The following CMTM8 variants were observed in gnomAD, a reference collection of about 807,000 sequenced individuals.
The protein encoded by CMTM8 is CKLF like MARVEL transmembrane domain containing 8.
In CMTM8, 12 loss-of-function variants were observed where a neutral mutation model predicts 18.6. The ratio of observed to expected loss-of-function variants is 0.65; its 90% CI spans 0.41 to 1.05. CMTM8 has a LOEUF of 1.05. Among genes scored for constraint, CMTM8 ranks in the 50% least tolerant of loss-of-function variants. The pLI is 0.00. For missense variants in CMTM8, 217 were observed against 227.2 expected (o/e 0.95, Z 0.29); for synonymous variants, 87 against 90.6 (o/e 0.96, Z 0.23).
chr3:32,317,101 A>G (rs538878868), intron 1 of CMTM8, among the ~76,000 whole-genome samples: 1 of 152,118 alleles, frequency 6.6e-6, no homozygotes, highest in Non-Finnish European at 1.5e-5. Context: ...TCTGCTTGTC[A>G]CTTGCAAGCT....
chr3:32,271,323 C>T (rs530647239), intron 1 of CMTM8, among the ~76,000 whole-genome samples: 10 of 152,320 alleles, frequency 6.6e-5, no homozygotes, highest in South Asian at 2.1e-4. Context: ...TGGGATTTCT[C>T]CATGTTGGTC....
intron 1 of CMTM8, among the ~76,000 whole-genome samples, chr3:32,355,534 A>C (rs1696800536): frequency 6.6e-6 from 1 of 152,138 alleles, no homozygotes; most frequent in Non-Finnish European, 1.5e-5. Flanking sequence ...ATATTCTTCC[A>C]CTTGGATTAT....
chr3:32,366,450 C>A (rs989746214), intron 2 of CMTM8, among the ~76,000 whole-genome samples: 3 of 152,218 alleles, frequency 2.0e-5, no homozygotes, highest in Non-Finnish European at 4.4e-5. Flanking sequence ...TCTGGCCAGG[C>A]TGAGCTTTCC....
intron 1 of CMTM8, among the ~76,000 whole-genome samples, chr3:32,334,605 C>CA (rs986810947): frequency 1.3e-3 from 180 of 139,122 alleles, no homozygotes; most frequent in South Asian, 1.4e-3. Context: ...GACTCCATCT[C>CA]AAAAAAAAAA....
intron 1 of CMTM8, among the ~76,000 whole-genome samples, chr3:32,267,006 G>A (rs575154209): frequency 2.8e-4 from 42 of 152,226 alleles, no homozygotes; most frequent in South Asian, 1.2e-3. Context: ...AATCAATATC[G>A]TGAAAATGGC....
chr3:32,314,540 C>T (rs1162484400), intron 1 of CMTM8, among the ~76,000 whole-genome samples: 3 of 151,582 alleles, frequency 2.0e-5, no homozygotes, highest in Non-Finnish European at 4.4e-5. Flanking sequence ...AGTGCAGTGG[C>T]ACCATCCCAG....
chr3:32,254,674 C>T (rs1396870992), intron 1 of CMTM8, among the ~76,000 whole-genome samples: 1 of 151,820 alleles, frequency 6.6e-6, no homozygotes, highest in East Asian at 1.9e-4. Flanking sequence ...TCCTCCTTAC[C>T]TATTCCTGGC....
intron 1 of CMTM8, among the ~76,000 whole-genome samples, chr3:32,246,945 A>G (rs1166667697): frequency 6.6e-6 from 1 of 152,094 alleles, no homozygotes; most frequent in Non-Finnish European, 1.5e-5. Context: ...TACTAAAAAT[A>G]CAAAAATCAG....
At chr3:32,297,601 C>T (rs762146372) in intron 1 of CMTM8, among the ~76,000 whole-genome samples, 11 of 152,052 alleles carry the variant, frequency 7.2e-5, no homozygotes, top group Non-Finnish European at 1.2e-4. Flanking sequence ...GCAGCCCCGT[C>T]TGGGGTGGCG....
chr3:32,339,466 A>G (rs1559383920), intron 1 of CMTM8, among the ~76,000 whole-genome samples: 1 of 152,130 alleles, frequency 6.6e-6, no homozygotes. Flanking sequence ...CAGAAAGACG[A>G]CCACATGGTT....
chr3:32,285,774 T>C (rs1702671097), intron 1 of CMTM8, among the ~76,000 whole-genome samples: 1 of 152,150 alleles, frequency 6.6e-6, no homozygotes, highest in Non-Finnish European at 1.5e-5. Flanking sequence ...AGGTGACTTT[T>C]TTCTCCTGGC....
chr3:32,260,220 T>G (rs993227039), intron 1 of CMTM8: 32 of 1,392,800 alleles, frequency 2.3e-5, no homozygotes, highest in Admixed American at 3.4e-5. Context: ...ACCAAAGTTC[T>G]GAGACATTAA....
At chr3:32,348,084 G>A (rs1053359925) in intron 1 of CMTM8, among the ~76,000 whole-genome samples, 1 of 152,054 alleles carries the variant, frequency 6.6e-6, no homozygotes, top group East Asian at 1.9e-4. Flanking sequence ...TCCTAAGAAA[G>A]GGTGCATGGA....
chr3:32,280,148 G>A (rs975598969), intron 1 of CMTM8, among the ~76,000 whole-genome samples: 6 of 152,094 alleles, frequency 3.9e-5, no homozygotes, highest in Non-Finnish European at 8.8e-5. Flanking sequence ...CAGGTCACAT[G>A]GCCATTCTCA....
At chr3:32,342,122 C>A (rs1696509770) in intron 1 of CMTM8, among the ~76,000 whole-genome samples, 1 of 151,934 alleles carries the variant, frequency 6.6e-6, no homozygotes, top group Non-Finnish European at 1.5e-5. Flanking sequence ...GTGGCATGCG[C>A]TTGTAATCCC....
intron 1 of CMTM8, among the ~76,000 whole-genome samples, chr3:32,338,926 A>G (rs1056926877): frequency 3.3e-5 from 5 of 152,204 alleles, no homozygotes; most frequent in African/African-American, 1.2e-4. Flanking sequence ...CCAAGGATTC[A>G]GCTTGGAGAA....
At chr3:32,318,055 CAAAAAAAAAAAAAAA>C in intron 1 of CMTM8, among the ~76,000 whole-genome samples, 1 of 85,816 alleles carries the variant, frequency 1.2e-5, no homozygotes, top group East Asian at 3.7e-4. Context: ...AACTCTGTCT[CAAAAAAAAAAAAAAA>C]AAAAAAAAGA....
At chr3:32,273,977 T>C (rs779124314) in intron 1 of CMTM8, among the ~76,000 whole-genome samples, 5 of 152,180 alleles carry the variant, frequency 3.3e-5, no homozygotes, top group Admixed American at 1.3e-4. Context: ...TTTTGGCTTC[T>C]TGGGATATTT....
At chr3:32,312,279 G>A (rs767358315) in intron 1 of CMTM8, among the ~76,000 whole-genome samples, 1 of 152,104 alleles carries the variant, frequency 6.6e-6, no homozygotes, top group African/African-American at 2.4e-5. Context: ...TTTAAAGGGG[G>A]CCCGCATCCC....
Sources: gnomAD v4.1 joint callset for allele counts (sites outside exome capture counted in the v4.1 genomes callset) on GRCh38, gnomAD v4.1.1 for gene constraint, MANE v1.5 for transcripts, NCBI Gene and HGNC (gene_info 2026-07-23, HGNC 2026-07-21) for gene names.